The following BCAR3 variants were observed in gnomAD, a reference collection of about 807,000 sequenced individuals.
The protein encoded by BCAR3 is BCAR3 adaptor protein, NSP family member.
In BCAR3, 37 loss-of-function variants were observed where a neutral mutation model predicts 80.1. The ratio of observed to expected loss-of-function variants is 0.46; its 90% CI spans 0.36 to 0.61. The LOEUF is 0.61. Among genes scored for constraint, BCAR3 ranks in the 20% least tolerant of loss-of-function variants. BCAR3 has a pLI of 0.00. For synonymous variants in BCAR3, 389 were observed against 418.9 expected (o/e 0.93, Z 0.87); for missense variants, 978 against 1,068.2 (o/e 0.92, Z 1.18).
chr1:93,591,599 A>G (rs920260762), intron 4 of BCAR3, among the ~76,000 whole-genome samples: 1 of 152,214 alleles, frequency 6.6e-6, no homozygotes, highest in Non-Finnish European at 1.5e-5. Context: ...CCCAAGGGAA[A>G]TTCTATGCCT....
chr1:93,572,462 C>T (rs1012922091), intron 8 of BCAR3, among the ~76,000 whole-genome samples: 1 of 152,120 alleles, frequency 6.6e-6, no homozygotes, highest in East Asian at 1.9e-4. Flanking sequence ...AAGGCCAGAC[C>T]CTAATAAAAT....
intron 2 of BCAR3, among the ~76,000 whole-genome samples, chr1:93,812,052 C>A (rs1015380884): frequency 6.6e-6 from 1 of 152,042 alleles, no homozygotes; most frequent in African/African-American, 2.4e-5. Flanking sequence ...TATGAAAGCT[C>A]GTGCTTAATT....
intron 2 of BCAR3, among the ~76,000 whole-genome samples, chr1:93,780,570 GAA>G (rs60451590): frequency 8.8e-6 from 1 of 113,240 alleles, no homozygotes; most frequent in Non-Finnish European, 1.8e-5. Context: ...AAGAGGAGAG[GAA>G]AAAAAAAAAA....
chr1:93,702,817 C>T (rs1463036278), intron 3 of BCAR3, among the ~76,000 whole-genome samples: 1 of 152,182 alleles, frequency 6.6e-6, no homozygotes, highest in Non-Finnish European at 1.5e-5. Flanking sequence ...TTGCTCCTAC[C>T]TTGTTTTTAA....
intron 3 of BCAR3, among the ~76,000 whole-genome samples, chr1:93,607,879 C>G (rs1377185604): frequency 2.0e-5 from 3 of 152,202 alleles, no homozygotes; most frequent in African/African-American, 7.2e-5. Flanking sequence ...CTGCTTGTAT[C>G]TCCATCCGCC....
intron 7 of BCAR3, among the ~76,000 whole-genome samples, chr1:93,577,578 C>T (rs1461580466): frequency 1.3e-5 from 2 of 152,218 alleles, no homozygotes; most frequent in South Asian, 2.1e-4. Flanking sequence ...TTTAGAACCC[C>T]TAAAAGCTAC....
In BCAR3 at chr1:93,571,750, G is replaced by C. The variant is rs1673227164; in HGVS notation, c.1894C>G (p.Gln632Glu). The change falls in exon 9 of 12, where the codon CAG becomes GAG. Residue 632 changes from glutamine (Q) to glutamate (E), a missense_variant. Coordinates refer to ENST00000260502, the MANE Select transcript of BCAR3 (RefSeq NM_003567.4). Reference sequence around the variant, plus strand: ...GAATCCTTCAGTTCCACCGCCACCTGGATGATCTTACTCAGAGTGGCCGCT... The same window carrying C: ...GAATCCTTCAGTTCCACCGCCACCTCGATGATCTTACTCAGAGTGGCCGCT... ...DRAATLSKII[Q>E]VAVELKDSMG... The C allele has an allele frequency of 6.2e-7, 1 of 1,614,166 alleles. No homozygotes were observed. Among genetic ancestry groups the C allele is most frequent in the East Asian group, 2.2e-5 (1 of 44,870 alleles).
At chr1:93,582,999 A>T in intron 6 of BCAR3, 46 bp from the exon 7 acceptor site, 1 of 1,514,824 alleles carries the variant, frequency 6.6e-7, no homozygotes, top group Non-Finnish European at 8.8e-7. Flanking sequence ...CTGTGTGGAG[A>T]ATATAAAACA....
At chr1:93,581,163 G>GAAA (rs66616010) in intron 7 of BCAR3, among the ~76,000 whole-genome samples, 1 of 122,750 alleles carries the variant, frequency 8.1e-6, no homozygotes. Flanking sequence ...CCCTGTCTCA[G>GAAA]AAAAAAAAAA....
chr1:93,825,887 G>A (rs936397602), intron 2 of BCAR3, among the ~76,000 whole-genome samples: 1 of 152,182 alleles, frequency 6.6e-6, no homozygotes, highest in Admixed American at 6.5e-5. Context: ...TTGCCCACAT[G>A]CCAGCTCTCA....
chr1:93,654,000 C>T (rs188805966), intron 2 of BCAR3, among the ~76,000 whole-genome samples: 3 of 152,240 alleles, frequency 2.0e-5, no homozygotes, highest in East Asian at 1.9e-4. Context: ...CCCAGAGCCA[C>T]GATGGTCCTT....
At chr1:93,650,750 T>A (rs1676296874) in intron 2 of BCAR3, among the ~76,000 whole-genome samples, 1 of 152,072 alleles carries the variant, frequency 6.6e-6, no homozygotes, top group Non-Finnish European at 1.5e-5. Flanking sequence ...CCCCAAAAAA[T>A]TCGGTGATGG....
intron 2 of BCAR3, among the ~76,000 whole-genome samples, chr1:93,835,576 A>C (rs1486146550): frequency 6.6e-6 from 1 of 151,954 alleles, no homozygotes; most frequent in Non-Finnish European, 1.5e-5. Context: ...AACCTCTTCC[A>C]TGTAGGTTAC....
At chr1:93,620,106 C>A (rs1675263019) in intron 3 of BCAR3, among the ~76,000 whole-genome samples, 1 of 152,166 alleles carries the variant, frequency 6.6e-6, no homozygotes, top group South Asian at 2.1e-4. Context: ...ACTCGCAGGG[C>A]ACACGCCCAC....
At chr1:93,698,318 T>C (rs1158298068) in intron 3 of BCAR3, among the ~76,000 whole-genome samples, 1 of 152,182 alleles carries the variant, frequency 6.6e-6, no homozygotes, top group Non-Finnish European at 1.5e-5. Context: ...AAAGGTACCA[T>C]TTTGGATTGT....
chr1:93,746,851 C>G (rs1557674216), intron 2 of BCAR3, among the ~76,000 whole-genome samples: 1 of 152,158 alleles, frequency 6.6e-6, no homozygotes, highest in Non-Finnish European at 1.5e-5. Flanking sequence ...TACCTCCTAA[C>G]TGTCAAATCC....
Position 93,592,163 on chromosome 1 carries a change from T to C in BCAR3, c.486+102A>G. Reference sequence around the variant, plus strand: ...GAGTATTTGTTTTTGGTTACACAGGTGCTTCCGCCCATGTGGCCTCGGAGT... The same window carrying C: ...GAGTATTTGTTTTTGGTTACACAGGCGCTTCCGCCCATGTGGCCTCGGAGT... On this transcript the variant is annotated intron_variant, in intron 4 of 11. Transcript: ENST00000260502. The surrounding 1 kb of genome is among the most constrained non-coding windows in gnomAD (Gnocchi z 4.8). 6.6e-7 allele frequency: 1 copy of C among 1,504,008 alleles called. No homozygotes were observed. Among genetic ancestry groups the C allele is most frequent in the East Asian group, 2.3e-5 (1 of 43,790 alleles). The allele number at this position is 1,504,008 out of a possible 1,614,324, so 93.2% of individuals were successfully genotyped here. A position where few individuals can be genotyped will look rare whatever the true frequency, so the allele number is the denominator to read the frequency against.
rs200485988 is a variant in BCAR3 at position 93,582,940 on chromosome 1, T to C, written c.1047A>G (p.Pro349=). 1 of 1,590,048 alleles carries C rather than the reference T, an allele frequency of 6.3e-7. No individual in the cohort carries two copies. Among genetic ancestry groups the C allele is most frequent in the Non-Finnish European group, 8.5e-7 (1 of 1,171,188 alleles). The change falls in exon 7 of 12, where the codon CCA becomes CCG. Residue 349 remains proline (P), a synonymous_variant. Transcript: ENST00000260502. The stretch of plus-strand genomic sequence containing the variant: ...TTGTGTCCACACCCGAGGACTGAGG[T>C]GGCAGCTTGCAGCCTGTGGGGGATA... ...ESYLPIGCKL[P]PQSSGVDTSP...
intron 3 of BCAR3, among the ~76,000 whole-genome samples, chr1:93,627,987 G>T (rs1392647087): frequency 6.6e-6 from 1 of 152,032 alleles, no homozygotes; most frequent in Non-Finnish European, 1.5e-5. Flanking sequence ...AAAAAAATTA[G>T]AAACTGAGAA....
Sources: allele counts gnomAD v4.1 joint callset (sites outside exome capture counted in the v4.1 genomes callset), GRCh38; gene constraint gnomAD v4.1.1; non-coding constraint Gnocchi (gnomAD v3.1); transcripts MANE v1.5; gene names NCBI Gene and HGNC (gene_info 2026-07-23, HGNC 2026-07-21).